Variants in ANKRD44 observed in about 807,000 individuals in gnomAD.
ANKRD44 encodes the protein serine/threonine-protein phosphatase 6 regulatory ankyrin repeat subunit B.
In ANKRD44, 35 loss-of-function variants were observed where a neutral mutation model predicts 116.0. The ratio of observed to expected loss-of-function variants is 0.30; its 90% CI spans 0.23 to 0.40. ANKRD44 has a LOEUF of 0.40. Ranked by LOEUF, ANKRD44 falls within the 10% of genes least tolerant of loss-of-function variation. ANKRD44 has a pLI of 1.00. For missense variants in ANKRD44, 1,014 were observed against 1,242.6 expected (o/e 0.82, Z 2.77); for synonymous variants, 435 against 461.8 (o/e 0.94, Z 0.74).
Position 196,997,452 on chromosome 2 carries a change from C to CTTT in ANKRD44, c.2748+882_2748+884dup, listed in dbSNP as rs35812345. Among the ~76,000 whole-genome samples, 349 of 135,986 alleles carry CTTT rather than the reference C, an allele frequency of 2.6e-3. 5 individuals carry two copies. Among genetic ancestry groups the CTTT allele is most frequent in the African/African-American group, 8.9e-3 (327 of 36,598 alleles). 89.2% of individuals were successfully genotyped at this position (135,986 alleles called of 152,430 possible). Reference sequence around the variant, plus strand: ...ATATATATAATTTTATATAATTTATCTTTTTTTTTTTTTTGAGATGGAGTT... The same window carrying CTTT: ...ATATATATAATTTTATATAATTTATCTTTTTTTTTTTTTTTTTGAGATGGAGTT... On this transcript the variant is annotated intron_variant, in intron 25 of 27. Coordinates refer to ENST00000282272, the MANE Select transcript of ANKRD44 (RefSeq NM_001195144.2).
At chr2:197,283,827 T>C (rs1167788438) in intron 1 of ANKRD44, among the ~76,000 whole-genome samples, 1 of 152,184 alleles carries the variant, frequency 6.6e-6, no homozygotes, top group Admixed American at 6.5e-5. Context: ...CTATTCTATG[T>C]TAGGCTTGAG....
In ANKRD44 at chr2:197,154,575, T is replaced by C. The variant is rs1574565316; in HGVS notation, c.112-7470A>G. On this transcript the variant is annotated intron_variant, in intron 2 of 27. Coordinates refer to ENST00000282272, the MANE Select transcript of ANKRD44 (RefSeq NM_001195144.2). ...ACTGCCTATATGTATCTTTACCTAT[T>C]GTTAAATTTGGTTATTAGTCTTTTC... Among the ~76,000 whole-genome samples the C allele has an allele frequency of 2.0e-5, 3 of 152,188 alleles. No individual in the cohort carries two copies. In the East Asian group the frequency reaches 5.8e-4, roughly 29 times the overall value.
intron 4 of ANKRD44, among the ~76,000 whole-genome samples, chr2:197,133,211 C>T (rs1202933790): frequency 6.6e-6 from 1 of 152,184 alleles, no homozygotes; most frequent in African/African-American, 2.4e-5. Context: ...AATTCTTGGG[C>T]CAGGTGCATG....
rs1325784896 is a variant in ANKRD44 at position 197,081,631 on chromosome 2, G to A, written c.1538+14C>T. 3 of 1,611,134 alleles carry A rather than the reference G, an allele frequency of 1.9e-6. No individual in the cohort carries two copies. The highest frequency in any genetic ancestry group is 4.5e-5 in the East Asian group (2 of 44,880). ...AGAAATGGCACCTTGTTCTTAAGCT[G>A]AGAAGAAACTTACAGTGTGGCTTCC... On this transcript the variant is annotated intron_variant, in intron 15 of 27. Coordinates refer to ENST00000282272, the MANE Select transcript of ANKRD44 (RefSeq NM_001195144.2).
chr2:197,052,669 A>C (rs1475791174), intron 16 of ANKRD44, among the ~76,000 whole-genome samples: 2 of 152,114 alleles, frequency 1.3e-5, no homozygotes, highest in Non-Finnish European at 2.9e-5. Flanking sequence ...GGAAGTAAAG[A>C]CTGGGGAGAA....
chr2:197,074,773 C>G (rs2077630720), intron 16 of ANKRD44, among the ~76,000 whole-genome samples: 1 of 152,168 alleles, frequency 6.6e-6, no homozygotes, highest in Admixed American at 6.5e-5. Context: ...AGCCACTGCA[C>G]CTGGCCATAA....
At chr2:197,209,901 C>T (rs547163807) in intron 1 of ANKRD44, among the ~76,000 whole-genome samples, 7 of 152,198 alleles carry the variant, frequency 4.6e-5, no homozygotes, top group African/African-American at 1.4e-4. Context: ...GATATGACTG[C>T]GGCTAGAAGT....
chr2:197,230,808 C>G (rs1321234467), intron 1 of ANKRD44, among the ~76,000 whole-genome samples: 1 of 152,142 alleles, frequency 6.6e-6, no homozygotes, highest in Non-Finnish European at 1.5e-5. Context: ...GCTCTACCAT[C>G]TCCCGGGACC....
intron 16 of ANKRD44, among the ~76,000 whole-genome samples, chr2:197,051,158 G>A (rs567904053): frequency 6.5e-4 from 99 of 151,162 alleles, no homozygotes; most frequent in African/African-American, 2.2e-3. Context: ...ACGGGGTTTC[G>A]CCGTGTTGCC....
intron 1 of ANKRD44, among the ~76,000 whole-genome samples, chr2:197,207,053 G>A (rs2081223902): frequency 6.6e-6 from 1 of 152,122 alleles, no homozygotes; most frequent in Non-Finnish European, 1.5e-5. Flanking sequence ...AATAAATTAG[G>A]AACATTCTCA....
intron 16 of ANKRD44, chr2:197,030,246 A>G (rs568434019): frequency 6.6e-6 from 1 of 152,514 alleles, no homozygotes; most frequent in East Asian, 1.9e-4. Context: ...ACCAACTTGT[A>G]TAAAAAAACA....
chr2:197,008,007 CCCAT>C, intron 19 of ANKRD44, 84 bp from the exon 20 acceptor site: 7 of 943,842 alleles, frequency 7.4e-6, no homozygotes, highest in South Asian at 1.4e-5. Context: ...TTCTCTTTCT[CCCAT>C]TCTCTTCCCC....
chr2:197,290,347 G>C (rs948563800), intron 1 of ANKRD44, among the ~76,000 whole-genome samples: 3 of 152,124 alleles, frequency 2.0e-5, no homozygotes, highest in African/African-American at 7.2e-5. Context: ...TTCCCTGATG[G>C]TTAGTGATGT....
chr2:197,296,873 C>T (rs2083738548), intron 1 of ANKRD44, among the ~76,000 whole-genome samples: 1 of 152,160 alleles, frequency 6.6e-6, no homozygotes, highest in Non-Finnish European at 1.5e-5. Context: ...CACATTTTAT[C>T]AGAGAAGTTT....
At chr2:197,101,868 C>T (rs942330270) in intron 9 of ANKRD44, among the ~76,000 whole-genome samples, 4 of 152,096 alleles carry the variant, frequency 2.6e-5, no homozygotes, top group African/African-American at 9.7e-5. Flanking sequence ...ATTCTGTTTG[C>T]TTTCAAATAT....
chr2:197,304,572 T>G (rs913489012), intron 1 of ANKRD44, among the ~76,000 whole-genome samples: 1 of 152,108 alleles, frequency 6.6e-6, no homozygotes, highest in Non-Finnish European at 1.5e-5. Flanking sequence ...AGGCACCAAG[T>G]CACAGAAGGG....
At chr2:197,013,789 G>A in intron 17 of ANKRD44, 77 bp from the exon 18 acceptor site, 1 of 1,483,446 alleles carries the variant, frequency 6.7e-7, no homozygotes, top group Non-Finnish European at 9.3e-7. Flanking sequence ...GAGGGGCTGG[G>A]CTTCCTGGGC....
chr2:197,108,871 C>CAAAAAAA (rs1553509928), intron 9 of ANKRD44, among the ~76,000 whole-genome samples: 17 of 150,678 alleles, frequency 1.1e-4, no homozygotes, highest in African/African-American at 4.2e-4. Context: ...ACAACAACAA[C>CAAAAAAA]AAAAACACAA....
chr2:197,214,945 T>G (rs1470220777), intron 1 of ANKRD44, among the ~76,000 whole-genome samples: 3 of 152,158 alleles, frequency 2.0e-5, no homozygotes, highest in Non-Finnish European at 2.9e-5. Context: ...TGGCACAATT[T>G]CCACTCACTA....
Sources: allele counts gnomAD v4.1 joint callset (sites outside exome capture counted in the v4.1 genomes callset), GRCh38; gene constraint gnomAD v4.1.1; transcripts MANE v1.5; gene names NCBI Gene and HGNC (gene_info 2026-07-23, HGNC 2026-07-21).